SPTB: variants seen among roughly 807,000 people sequenced by gnomAD.
The protein encoded by SPTB is spectrin beta, erythrocytic.
A neutral mutation model predicts 256.2 loss-of-function variants in SPTB; 45 were observed. The observed-to-expected ratio is 0.18, with a 90% CI of 0.14 to 0.23. SPTB has a LOEUF of 0.23. Among genes scored for constraint, SPTB ranks in the 10% least tolerant of loss-of-function variants. The probability of loss-of-function intolerance (pLI) is 1.00; values close to 1 mark genes in which losing one functional copy is unlikely to be tolerated. For synonymous variants in SPTB, 1,231 were observed against 1,243.1 expected (o/e 0.99, Z 0.21); for missense variants, 2,715 against 3,040.4 (o/e 0.89, Z 2.52).
intron 1 of SPTB, among the ~76,000 whole-genome samples, chr14:64,872,127 C>G (rs187959281): frequency 6.6e-6 from 1 of 152,166 alleles, no homozygotes; most frequent in Non-Finnish European, 1.5e-5. Flanking sequence ...TCCAAGTCAA[C>G]ACCTCGACAA....
In SPTB at chr14:64,749,862, G is replaced by A; in HGVS notation, c.6776+119C>T. Reference sequence around the variant, plus strand: ...TCTGGACCATCAGCCTCTTTGATTTGAAAAACCCCTGAGGAGCAGCTCAGG... The same window carrying A: ...TCTGGACCATCAGCCTCTTTGATTTAAAAAACCCCTGAGGAGCAGCTCAGG... On this transcript the variant is annotated intron_variant, in intron 34 of 35. Transcript: ENST00000644917. The surrounding 1 kb of genome is among the most constrained non-coding windows in gnomAD (Gnocchi z 4.7). 5 of 1,521,450 alleles carry A rather than the reference G, an allele frequency of 3.3e-6. No individual in the cohort carries two copies. The highest frequency in any genetic ancestry group is 4.5e-6 in the Non-Finnish European group (5 of 1,101,404). 94.2% of individuals were successfully genotyped at this position (1,521,450 alleles called of 1,614,324 possible).
At chr14:64,801,606 A>G (rs230705) in intron 6 of SPTB, 148 bp downstream of exon 6, 2 of 940,912 alleles carry the variant, frequency 2.1e-6, no homozygotes, top group African/African-American at 1.6e-5. Context: ...GGATTTAAGG[A>G]AAGTGAAGGT....
chr14:64,823,021 G>A lies in SPTB; in HGVS notation c.74C>T (p.Ala25Val), dbSNP rs745686199. The change falls in exon 2 of 36, where the codon GCC becomes GTC. Residue 25 changes from alanine (A) to valine (V), a missense_variant. Around this residue, in one of 4 missense-constraint regions of SPTB, gnomAD observed 58 missense variants for 67.9 expected, o/e 0.85. Transcript: ENST00000644917. This position sits in a 1 kb window ranked among gnomAD's most constrained non-coding sequence, Gnocchi z 6.5. Reference protein sequence around the residue: ...PYSRINARWDAPDDELDNDNS... With the variant: ...PYSRINARWDVPDDELDNDNS... ...GTCATTATCCAGCTCGTCGTCTGGG[G>A]CGTCCCAGCGGGCATTGATCCTGCT... 5 of 1,614,034 alleles carry A rather than the reference G, an allele frequency of 3.1e-6. No homozygotes were observed. The East Asian group carries it at 8.9e-5, about 29-fold the overall frequency.
intron 1 of SPTB, among the ~76,000 whole-genome samples, chr14:64,875,280 C>A (rs1022625611): frequency 6.6e-6 from 1 of 152,206 alleles, no homozygotes; most frequent in African/African-American, 2.4e-5. Context: ...TCTAAGACTA[C>A]GTGAGCTATA....
rs138497694 is a variant in SPTB, at chr14:64,846,117, G to A, written c.-51-22972C>T. ...CAGAGAACTGCTACTCCCGACTTGC[G>A]GTGAGTAACTTGATTATAACGCATC... On this transcript the variant is annotated intron_variant, in intron 1 of 35. Transcript: ENST00000644917. 6.5e-3 allele frequency among the ~76,000 whole-genome samples: 984 copies of A among 152,220 alleles called. 5 individuals are homozygous for A. The highest frequency in any genetic ancestry group is 0.01 in the Non-Finnish European group (681 of 68,016).
Position 64,796,260 on chromosome 14 carries a change from C to T in SPTB, c.1341+297G>A, listed in dbSNP as rs1044196718. ...CAGTCTGTGATTTTACCATATCCCCCAAGAACCACAATTTAACATCAACTG... is the reference window on the plus strand; with the variant it reads ...CAGTCTGTGATTTTACCATATCCCCTAAGAACCACAATTTAACATCAACTG... On this transcript the variant is annotated intron_variant, in intron 11 of 35. Transcript: ENST00000644917. The surrounding 1 kb of genome is among the most constrained non-coding windows in gnomAD (Gnocchi z 4.1). 6.6e-6 allele frequency among the ~76,000 whole-genome samples: 1 copy of T among 152,226 alleles called. No individual in the cohort carries two copies. The highest frequency in any genetic ancestry group is 1.9e-4 in the East Asian group (1 of 5,204).
Position 64,772,696 on chromosome 14 carries a change from T to C in SPTB, c.5437A>G (p.Ile1813Val), listed in dbSNP as rs142187216. 10 of 1,613,724 alleles carry C rather than the reference T, an allele frequency of 6.2e-6. No homozygotes were observed. The African/African-American group carries it at 1.3e-4, about 22-fold the overall frequency. The change falls in exon 26 of 36, where the codon ATC becomes GTC. Residue 1813 changes from isoleucine to valine, a missense_variant. This residue lies in a region of SPTB where 2,239 missense variants were observed against 2,384.4 expected (regional missense o/e 0.94). Coordinates refer to ENST00000644917, the MANE Select transcript of SPTB (RefSeq NM_001355436.2). This position sits in a 1 kb window ranked among gnomAD's most constrained non-coding sequence, Gnocchi z 5.4. ...GGCAGCTCGCGGTGCTTCTCGTCGA[T>C]GAGGCCCAGGATCTCGGCACCCGTG... ...FYTGAEILGL[I>V]DEKHRELPED...
intron 1 of SPTB, among the ~76,000 whole-genome samples, chr14:64,840,486 T>C (rs142710313): frequency 2.0e-5 from 3 of 152,348 alleles, no homozygotes; most frequent in Admixed American, 1.3e-4. Flanking sequence ...CGCAAATGCA[T>C]GGTTAAATAC....
intron 2 of SPTB, among the ~76,000 whole-genome samples, chr14:64,808,902 C>T (rs183651723): frequency 6.3e-4 from 95 of 151,908 alleles, no homozygotes; most frequent in African/African-American, 2.2e-3. Flanking sequence ...TGAAGAAAGC[C>T]GCTTTGGATT....
chr14:64,841,512 G>A lies in SPTB; in HGVS notation c.-51-18367C>T, dbSNP rs185021629. On this transcript the variant is annotated intron_variant, in intron 1 of 35. Coordinates refer to ENST00000644917, the MANE Select transcript of SPTB (RefSeq NM_001355436.2). The surrounding 1 kb of genome is among the most constrained non-coding windows in gnomAD (Gnocchi z 4.6). ...CACTGGAGGCCCAGGAGGCTCTTCA[G>A]GGTCACAGCTAATCCACGCCCTGAG... Among the ~76,000 whole-genome samples, 1 of 152,330 alleles carries A rather than the reference G, an allele frequency of 6.6e-6. No individual in the cohort carries two copies. Among genetic ancestry groups the A allele is most frequent in the East Asian group, 1.9e-4 (1 of 5,188 alleles).
rs145299045 is a variant in SPTB, at chr14:64,816,751, A to T, written c.148+6196T>A. Among the ~76,000 whole-genome samples the T allele has an allele frequency of 1.1e-4, 16 of 152,276 alleles. No homozygotes were observed. Among genetic ancestry groups the T allele is most frequent in the Middle Eastern group, 3.4e-3 (1 of 294 alleles). On this transcript the variant is annotated intron_variant, in intron 2 of 35. Transcript: ENST00000644917. The surrounding 1 kb of genome is among the most constrained non-coding windows in gnomAD (Gnocchi z 4.2). The stretch of plus-strand genomic sequence containing the variant: ...ACTCTGTCTCAGTGACATGTTATAA[A>T]GGGAAAATGGAAAATTGCTACAGAT...
rs979701631 is a variant in SPTB, at chr14:64,749,228, G to A, written c.*78C>T. The A allele has an allele frequency of 1.7e-5, 25 of 1,498,988 alleles. No homozygotes were observed. The highest frequency in any genetic ancestry group is 5.0e-5 in the East Asian group (2 of 40,226). 92.9% of individuals were successfully genotyped at this position (1,498,988 alleles called of 1,614,324 possible). On this transcript the variant is annotated 3_prime_UTR_variant, in exon 36 of 36. Transcript: ENST00000644917. This position sits in a 1 kb window ranked among gnomAD's most constrained non-coding sequence, Gnocchi z 4.7. Reference sequence around the variant, plus strand: ...ACTCATCTCGATTCGACCGGCGGGCGGCGGCGAGAGGAGGCCAAGGCCTGG... The same window carrying A: ...ACTCATCTCGATTCGACCGGCGGGCAGCGGCGAGAGGAGGCCAAGGCCTGG...
intron 2 of SPTB, among the ~76,000 whole-genome samples, chr14:64,822,407 G>GC (rs1555374143): frequency 1.5e-4 from 2 of 13,094 alleles, no homozygotes; most frequent in African/African-American, 3.1e-4. Flanking sequence ...CACACAGAGA[G>GC]ATCTATTATG....
At position 64,799,765 on chromosome 14, in the gene SPTB, G is replaced by A. The variant is rs763297500; in HGVS notation, c.1046C>T (p.Thr349Ile). The change falls in exon 9 of 36, where the codon ACC (threonine) becomes ATC (isoleucine). Residue 349 changes from threonine to isoleucine, a missense_variant. Thr to Ile is a moderately conservative substitution (Grantham distance 89). Coordinates refer to ENST00000644917, the MANE Select transcript of SPTB (RefSeq NM_001355436.2). ...CCCTTACTTGGGCGGCTTCTCCACG[G>A]TGCGGTAGGTGCTGAAGGCCTGCAG... ...QQLQAFSTYR[T>I]VEKPPKFQEK... is the part of the protein sequence containing the mutation. 1 of 1,614,204 alleles carries A rather than the reference G, an allele frequency of 6.2e-7. No individual in the cohort carries two copies. Among genetic ancestry groups the A allele is most frequent in the South Asian group, 1.1e-5 (1 of 91,084 alleles).
chr14:64,838,916 T>G (rs1261823467), intron 1 of SPTB, among the ~76,000 whole-genome samples: 1 of 151,976 alleles, frequency 6.6e-6, no homozygotes. Flanking sequence ...GTGGATCACC[T>G]GAGGTAAGAA....
intron 2 of SPTB, among the ~76,000 whole-genome samples, chr14:64,822,255 T>TA (rs1306887661): frequency 7.6e-6 from 1 of 130,812 alleles, no homozygotes; most frequent in African/African-American, 3.7e-5. Flanking sequence ...TCACAGGAGT[T>TA]GGGGAAAAAA....
chr14:64,775,316 C>A lies in SPTB; in HGVS notation c.4651G>T (p.Asp1551Tyr), dbSNP rs760176952. 6.2e-7 allele frequency: 1 copy of A among 1,613,026 alleles called. No homozygotes were observed. Among genetic ancestry groups the A allele is most frequent in the East Asian group, 2.2e-5 (1 of 44,874 alleles). ...GQQLVEAAEIDCQDLEERLGH... is the reference protein window; with the variant it reads ...GQQLVEAAEIYCQDLEERLGH... ...AGGCGCTCCTCAAGGTCCTGGCAGT[C>A]GATCTCCGCCGCCTCCACCAGCTGC... The change falls in exon 23 of 36, where the codon GAC (aspartate) becomes TAC (tyrosine). Residue 1551 changes from aspartate to tyrosine, a missense_variant. By Grantham distance (160) the Asp-to-Tyr change is radical. This residue lies in a region of SPTB where 2,239 missense variants were observed against 2,384.4 expected (regional missense o/e 0.94). Transcript: ENST00000644917. This position sits in a 1 kb window ranked among gnomAD's most constrained non-coding sequence, Gnocchi z 5.0.
rs748376558 is a variant in SPTB at position 64,795,599 on chromosome 14, T to C, written c.1382A>G (p.Lys461Arg). The change falls in exon 12 of 36, where the codon AAG becomes AGG. Residue 461 changes from lysine (K) to arginine (R), a missense_variant. Coordinates refer to ENST00000644917, the MANE Select transcript of SPTB (RefSeq NM_001355436.2). This position sits in a 1 kb window ranked among gnomAD's most constrained non-coding sequence, Gnocchi z 6.5. Reference protein sequence around the residue: ...GYDLAAVEAAKKKHEAIETDT... With the variant: ...GYDLAAVEAARKKHEAIETDT... ...GGTCTCGATGGCCTCATGCTTCTTC[T>C]TGGCGGCCTCCACAGCTGCCAGGTC... is the stretch of plus-strand genomic sequence containing the variant. 12 of 1,614,084 alleles carry C rather than the reference T, an allele frequency of 7.4e-6. No homozygotes were observed. The highest frequency in any genetic ancestry group is 3.3e-5 in the Admixed American group (2 of 60,022).
chr14:64,789,542 T>A (rs1197613111), intron 15 of SPTB, among the ~76,000 whole-genome samples: 1 of 151,980 alleles, frequency 6.6e-6, no homozygotes, highest in African/African-American at 2.4e-5. Flanking sequence ...CATGGGGCGG[T>A]CAGCGGGGGC....
Sources: allele counts gnomAD v4.1 joint callset (sites outside exome capture counted in the v4.1 genomes callset), GRCh38; gene constraint gnomAD v4.1.1; regional missense constraint gnomAD v4.1.1; non-coding constraint Gnocchi (gnomAD v3.1); transcripts MANE v1.5; gene names NCBI Gene and HGNC (gene_info 2026-07-23, HGNC 2026-07-21).